OASL: variants seen among roughly 807,000 people sequenced by gnomAD.
OASL encodes 2'-5'-oligoadenylate synthase-like protein.
Under a neutral mutation model 35.3 loss-of-function variants are expected in OASL, and 28 were observed. The ratio of observed to expected loss-of-function variants is 0.79; its 90% CI spans 0.59 to 1.09. The LOEUF is 1.09. OASL is among the 50% of genes least tolerant of loss of function. The pLI, the probability that OASL is intolerant of heterozygous loss-of-function variation, is 0.00. For synonymous variants in OASL, 252 were observed against 254.6 expected (o/e 0.99, Z 0.10); for missense variants, 620 against 635.2 (o/e 0.98, Z 0.26).
intron 2 of OASL, 75 bp from the exon 3 acceptor site, chr12:121,031,692 A>G (rs1869741604): frequency 1.7e-5 from 23 of 1,334,210 alleles, no homozygotes; most frequent in Non-Finnish European, 2.2e-5. Flanking sequence ...TTTTGGGGAG[A>G]GCCTGCCTTT....
chr12:121,038,856 G>A, exon 1 of OASL: 1 of 1,614,030 alleles, frequency 6.2e-7, no homozygotes, highest in Non-Finnish European at 8.5e-7. Flanking sequence ...CTCCTCCACG[G>A]TCCGCACAGC....
At chr12:121,024,672 T>C (rs1869407718) in intron 4 of OASL, among the ~76,000 whole-genome samples, 1 of 152,008 alleles carries the variant, frequency 6.6e-6, no homozygotes, top group South Asian at 2.1e-4. Flanking sequence ...GCAAGGAATT[T>C]AGGGGGAGAA....
At chr12:121,022,621 T>C (rs1869293818) in intron 5 of OASL, among the ~76,000 whole-genome samples, 1 of 152,240 alleles carries the variant, frequency 6.6e-6, no homozygotes, top group Admixed American at 6.5e-5. Context: ...TTATACTCTA[T>C]GTACCTTACT....
intron 3 of OASL, among the ~76,000 whole-genome samples, chr12:121,030,779 C>T (rs891740832): frequency 2.0e-5 from 3 of 152,016 alleles, no homozygotes; most frequent in African/African-American, 7.3e-5. Context: ...CCTGCTGTGA[C>T]GAATGGCCAC....
intron 5 of OASL, 125 bp downstream of exon 5, chr12:121,023,865 T>C (rs1869360909): frequency 8.7e-7 from 1 of 1,143,002 alleles, no homozygotes; most frequent in Non-Finnish European, 1.2e-6. Context: ...GTGGTGCAGC[T>C]GGCCCTTAAA....
chr12:121,029,611 C>A (rs1869645861), intron 3 of OASL, among the ~76,000 whole-genome samples: 1 of 151,984 alleles, frequency 6.6e-6, no homozygotes, highest in Non-Finnish European at 1.5e-5. Context: ...TGGCATGAAC[C>A]CGGGAGGCGG....
chr12:121,038,757 G>C lies in OASL; in HGVS notation c.198+17C>G. ...TGGGTTTTGTCTTGCGTGGGGGCTG[G>C]AGGAGCCCAGTCTTACCTTGACTAC... is the stretch of plus-strand genomic sequence containing the variant. On this transcript the variant is annotated intron_variant, in intron 1 of 5. Transcript: ENST00000257570. 6.2e-7 allele frequency: 1 copy of C among 1,613,092 alleles called. No individual in the cohort carries two copies. Among genetic ancestry groups the C allele is most frequent in the African/African-American group, 1.3e-5 (1 of 75,030 alleles).
rs552438612 is a variant in OASL, at chr12:121,031,646, T to C, written c.482-29A>G. 186 of 1,599,418 alleles carry C rather than the reference T, an allele frequency of 1.2e-4. 3 individuals carry two copies. In the South Asian group the frequency reaches 1.9e-3, roughly 17 times the overall value. On this transcript the variant is annotated intron_variant, in intron 2 of 5. Coordinates refer to ENST00000257570, the Ensembl canonical transcript of OASL. The stretch of plus-strand genomic sequence containing the variant: ...AGGAGTGAAGGAGCAAAGGAAGAGA[T>C]TGGGGATTGAGGAAGCCAGAGGGTG...
intron 3 of OASL, 110 bp downstream of exon 3, chr12:121,031,332 C>A (rs1043007545): frequency 1.0e-5 from 11 of 1,052,828 alleles, no homozygotes; most frequent in Non-Finnish European, 1.4e-5. Flanking sequence ...TCCCTCTCTA[C>A]CTGCTTCCAT....
intron 4 of OASL, among the ~76,000 whole-genome samples, chr12:121,025,752 A>G (rs1387398395): frequency 2.2e-5 from 3 of 138,440 alleles, no homozygotes; most frequent in Non-Finnish European, 4.8e-5. Context: ...ACAGAGCAAG[A>G]CTCCATTAAA....
At chr12:121,029,892 T>G (rs1318526437) in intron 3 of OASL, among the ~76,000 whole-genome samples, 1 of 152,174 alleles carries the variant, frequency 6.6e-6, no homozygotes, top group Non-Finnish European at 1.5e-5. Flanking sequence ...AGGATGCCTG[T>G]AATCTGTAAG....
chr12:121,031,349 T>C lies in OASL; in HGVS notation c.657+93A>G. 4 of 1,288,658 alleles carry C rather than the reference T, an allele frequency of 3.1e-6. No individual in the cohort carries two copies. In the South Asian group the frequency reaches 3.8e-5, roughly 12 times the overall value. The allele number at this position is 1,288,658 out of a possible 1,614,324, so 79.8% of individuals were successfully genotyped here. A position where few individuals can be genotyped will look rare whatever the true frequency, so the allele number is the denominator to read the frequency against. On this transcript the variant is annotated intron_variant, in intron 3 of 5. Transcript: ENST00000257570. ...CCTCTCTACCTGCTTCCATTTCCCC[T>C]GGCTGCAGCTTCCTGAGATGAAAAT...
intron 1 of OASL, among the ~76,000 whole-genome samples, chr12:121,037,125 C>G (rs923065667): frequency 6.6e-6 from 1 of 152,084 alleles, no homozygotes; most frequent in South Asian, 2.1e-4. Flanking sequence ...GAGTTGGTTG[C>G]CCCTAGAGAG....
At chr12:121,031,599 G>A (rs1382116265) in exon 3 of OASL, 1 of 1,613,440 alleles carries the variant, frequency 6.2e-7, no homozygotes, top group South Asian at 1.1e-5. Context: ...GGGTGGCTGG[G>A]AGTTGGGAAG....
intron 5 of OASL, 90 bp from the exon 6 acceptor site, chr12:121,021,148 ATAG>A: frequency 3.0e-6 from 4 of 1,348,670 alleles, no homozygotes; most frequent in Non-Finnish European, 4.0e-6. Context: ...TATCTTTACA[ATAG>A]TAGCAGCAGC....
At chr12:121,028,129 T>C (rs1443348520) in intron 3 of OASL, among the ~76,000 whole-genome samples, 1 of 152,240 alleles carries the variant, frequency 6.6e-6, no homozygotes, top group East Asian at 1.9e-4. Context: ...TTAAATCTAT[T>C]TTAATGTATT....
At chr12:121,038,030 T>C (rs1385729177) in intron 1 of OASL, among the ~76,000 whole-genome samples, 1 of 150,906 alleles carries the variant, frequency 6.6e-6, no homozygotes, top group Admixed American at 6.6e-5. Context: ...GAGGCTACAG[T>C]GAGTGGTGAT....
intron 5 of OASL, among the ~76,000 whole-genome samples, chr12:121,021,614 C>G (rs983361309): frequency 1.3e-5 from 2 of 152,220 alleles, no homozygotes; most frequent in Non-Finnish European, 2.9e-5. Flanking sequence ...AGTTTGAGAC[C>G]AGCCTGGCCA....
At chr12:121,018,958 G>A (rs1404811135), downstream of OASL, among the ~76,000 whole-genome samples, 2 of 151,204 alleles carry the variant, frequency 1.3e-5, no homozygotes, top group Admixed American at 6.6e-5. Flanking sequence ...GCTGCCATCT[G>A]TGAATCAGGA....
Sources: gnomAD v4.1 joint callset for allele counts (sites outside exome capture counted in the v4.1 genomes callset) on GRCh38, gnomAD v4.1.1 for gene constraint, MANE v1.5 for transcripts, NCBI Gene and HGNC (gene_info 2026-07-23, HGNC 2026-07-21) for gene names.